The following COL4A5 variants were observed in gnomAD, a reference collection of about 807,000 sequenced individuals.
The protein encoded by COL4A5 is collagen type IV alpha 5 chain.
COL4A5 carries 26 observed loss-of-function variants against 130.2 expected under a neutral mutation model. The ratio of observed to expected loss-of-function variants is 0.20; its 90% confidence interval spans 0.15 to 0.28. COL4A5 has a LOEUF of 0.28. Among genes scored for constraint, COL4A5 ranks in the 10% least tolerant of loss-of-function variants. The pLI, the probability that COL4A5 is intolerant of heterozygous loss-of-function variation, is 1.00. For synonymous variants in COL4A5, 496 were observed against 439.6 expected, an observed-to-expected ratio of 1.13 and a Z score of -1.60; for missense variants, 1,131 against 1,344.3, an observed-to-expected ratio of 0.84 and a Z score of 2.48.
chrX:108,598,653 G>C (rs1251899006), intron 24 of COL4A5, 49 bp from the exon 25 acceptor site: 7 of 1,099,209 alleles, frequency 6.4e-6, no homozygotes, highest in Non-Finnish European at 8.8e-6. Context: ...CCAACCTACA[G>C]ATAGTTGTTG....
intron 1 of COL4A5, among the ~76,000 whole-genome samples, chrX:108,534,789 C>G (rs959278604): frequency 4.5e-5 from 5 of 111,250 alleles, no homozygotes; most frequent in African/African-American, 1.6e-4. Context: ...TTATGTTCTG[C>G]TGCACCTAGT....
intron 1 of COL4A5, among the ~76,000 whole-genome samples, chrX:108,455,082 A>C (rs1462474121): frequency 8.9e-6 from 1 of 111,976 alleles, no homozygotes; most frequent in Non-Finnish European, 1.9e-5. Context: ...TCCTCTTTGT[A>C]ATCCCTCCCT....
chrX:108,477,632 G>A (rs1192043286), intron 1 of COL4A5, among the ~76,000 whole-genome samples: 1 of 109,299 alleles, frequency 9.1e-6, no homozygotes, highest in Admixed American at 9.8e-5. Context: ...TGGCCAACGT[G>A]GAGAAAAACC....
At chrX:108,597,238 C>A in intron 23 of COL4A5, 139 bp from the exon 24 acceptor site, 1 of 758,495 alleles carries the variant, frequency 1.3e-6, no homozygotes, top group Non-Finnish European at 2.0e-6. Flanking sequence ...CTTGATTCAG[C>A]CCTTTGTACA....
chrX:108,585,282 C>T, intron 18 of COL4A5, among the ~76,000 whole-genome samples: 1 of 112,034 alleles, frequency 8.9e-6, no homozygotes, highest in Non-Finnish European at 1.9e-5. Context: ...GTAACATTAA[C>T]TTAATTCGTA....
intron 1 of COL4A5, among the ~76,000 whole-genome samples, chrX:108,533,148 G>A (rs2065408171): frequency 9.0e-6 from 1 of 111,599 alleles, no homozygotes; most frequent in African/African-American, 3.2e-5. Flanking sequence ...TTACAAGGCT[G>A]TAGTAACCCA....
At position 108,599,614 on chromosome X, in the gene COL4A5, T is replaced by C. The variant is rs2346363; in HGVS notation, c.1948+744T>C. 3.1e-4 allele frequency among the ~76,000 whole-genome samples: 35 copies of C among 111,862 alleles called. No homozygotes were observed. The South Asian group carries it at 0.013, about 41-fold the overall frequency. The stretch of plus-strand genomic sequence containing the variant: ...ATAGATAGATCCCTATATCTCCTTG[T>C]GTTCATGTGCTCACACTTCTCTAGG... On this transcript the variant is annotated intron_variant, in intron 25 of 52. Transcript: ENST00000328300.
rs140136796 is a variant in COL4A5 at position 108,497,230 on chromosome X, A to G, written c.82-42516A>G. 7.7e-3 allele frequency among the ~76,000 whole-genome samples: 866 copies of G among 112,535 alleles called. 6 individuals carry two copies. Among genetic ancestry groups the G allele is most frequent in the Non-Finnish European group, 0.011 (574 of 53,236 alleles). ...CATTTTCATCACTGAATCACATTAC[A>G]TTGTATGGATATACCACATTTTGGT... On this transcript the variant is annotated intron_variant, in intron 1 of 52. Coordinates refer to ENST00000328300, the MANE Select transcript of COL4A5 (RefSeq NM_033380.3).
intron 49 of COL4A5, among the ~76,000 whole-genome samples, chrX:108,690,823 C>T (rs980185572): frequency 1.8e-5 from 2 of 111,496 alleles, no homozygotes; most frequent in Non-Finnish European, 3.8e-5. Context: ...TGGATATTTA[C>T]CCAAAGGAAA....
At chrX:108,670,736 C>T in intron 42 of COL4A5, 1 of 328,069 alleles carries the variant, frequency 3.0e-6, no homozygotes, top group Non-Finnish European at 5.9e-6. Context: ...CTCAATTCTA[C>T]TGCTGTTAAA....
intron 1 of COL4A5, among the ~76,000 whole-genome samples, chrX:108,491,393 T>C (rs2064992499): frequency 8.9e-6 from 1 of 112,013 alleles, no homozygotes; most frequent in Non-Finnish European, 1.9e-5. Flanking sequence ...AACTACTAAA[T>C]GCTATTTTAA....
At chrX:108,440,349 G>A in intron 1 of COL4A5, 143 bp downstream of exon 1, 1 of 482,099 alleles carries the variant, frequency 2.1e-6, no homozygotes, top group South Asian at 2.9e-5. Context: ...AGGAAGAAAC[G>A]TTATTTGCAA....
intron 1 of COL4A5, among the ~76,000 whole-genome samples, chrX:108,499,880 G>T (rs1036886054): frequency 9.0e-6 from 1 of 111,254 alleles, no homozygotes; most frequent in Non-Finnish European, 1.9e-5. Context: ...TGCATACATA[G>T]TATACATACA....
intron 9 of COL4A5, among the ~76,000 whole-genome samples, chrX:108,575,565 C>T (rs1480186784): frequency 4.5e-5 from 5 of 112,269 alleles, no homozygotes; most frequent in African/African-American, 1.6e-4. Context: ...TTGTAAGATA[C>T]AATTAGGGGG....
At chrX:108,600,341 A>G (rs1172166784) in intron 25 of COL4A5, among the ~76,000 whole-genome samples, 1 of 111,413 alleles carries the variant, frequency 9.0e-6, no homozygotes, top group Non-Finnish European at 1.9e-5. Flanking sequence ...CTTTCACATC[A>G]TCAAAATTAT....
At chrX:108,696,267 G>A (rs758267223) in intron 52 of COL4A5, 30 bp from the exon 53 acceptor site, 60 of 1,118,819 alleles carry the variant, frequency 5.4e-5, no homozygotes, top group Middle Eastern at 2.4e-4. Flanking sequence ...AGAAAATGTG[G>A]ATCTGATTGT....
intron 1 of COL4A5, chrX:108,462,421 T>C (rs188474400): frequency 8.9e-6 from 1 of 112,316 alleles, no homozygotes; most frequent in East Asian, 2.8e-4. Flanking sequence ...TTTTTGTTTG[T>C]TTCTTTTTTC....
Position 108,439,974 on chromosome X carries a change from A to T in COL4A5, c.-152A>T. On this transcript the variant is annotated 5_prime_UTR_variant, in exon 1 of 53. Transcript: ENST00000328300. ...CTTCTTCTTCTTTTTTTTTTCTTCC[A>T]CTCTTAAAAAGCTTCTTTCTCTTCA... is the stretch of plus-strand genomic sequence containing the variant. The T allele has an allele frequency of 2.3e-6, 1 of 444,088 alleles. No homozygotes were observed. The highest frequency in any genetic ancestry group is 3.4e-5 in the South Asian group (1 of 29,133). 36.6% of individuals were successfully genotyped at this position (444,088 alleles called of 1,213,427 possible).
At chrX:108,494,149 T>A (rs2065015531) in intron 1 of COL4A5, among the ~76,000 whole-genome samples, 1 of 111,684 alleles carries the variant, frequency 9.0e-6, no homozygotes, top group African/African-American at 3.2e-5. Context: ...GAGTTCTTTG[T>A]GTATTTCTTA....
Sources: gnomAD v4.1 joint callset for allele counts (sites outside exome capture counted in the v4.1 genomes callset) on GRCh38, gnomAD v4.1.1 for gene constraint, MANE v1.5 for transcripts, NCBI Gene and HGNC (gene_info 2026-07-23, HGNC 2026-07-21) for gene names.